CRAMP1: variants seen among roughly 807,000 people sequenced by gnomAD.
CRAMP1 encodes the protein protein cramped-like.
In CRAMP1, 50 loss-of-function variants were observed where a neutral mutation model predicts 115.4. The ratio of observed to expected loss-of-function variants is 0.43; its 90% CI spans 0.35 to 0.55. The LOEUF (loss-of-function observed/expected upper bound fraction) is 0.55. CRAMP1 is among the 20% of genes least tolerant of loss of function. The pLI is 0.01. For synonymous variants in CRAMP1, 866 were observed against 745.4 expected (o/e 1.16, Z -2.64); for missense variants, 1,679 against 1,721.7 (o/e 0.98, Z 0.44).
chr16:1,626,312 T>C, intron 3 of CRAMP1, 146 bp downstream of exon 3: 1 of 574,736 alleles, frequency 1.7e-6, no homozygotes, highest in South Asian at 2.3e-5. Flanking sequence ...TGATGTGGGC[T>C]CTAGCCTTGC....
chr16:1,632,212 C>T lies in CRAMP1; in HGVS notation c.541C>T (p.His181Tyr). The stretch of plus-strand genomic sequence containing the variant: ...ATTTATCATGGAATTTATTTTCCAG[C>T]ATGGGAAAGACTTTGAAGCGATTCA... ...KNTFFEGLYE[H>Y]GKDFEAIQNN... Residue 181 changes from histidine to tyrosine, a missense_variant and splice_region_variant, in exon 4 of 21, where the codon CAT becomes TAT. His to Tyr is a moderately conservative substitution (Grantham distance 83, BLOSUM62 2). Coordinates refer to ENST00000397412, the MANE Select transcript of CRAMP1 (RefSeq NM_020825.4). The T allele has an allele frequency of 6.4e-7, 1 of 1,554,938 alleles. No homozygotes were observed. Among genetic ancestry groups the T allele is most frequent in the South Asian group, 1.2e-5 (1 of 84,116 alleles).
chr16:1,644,935 C>T (rs953974819), intron 6 of CRAMP1, among the ~76,000 whole-genome samples: 20 of 151,956 alleles, frequency 1.3e-4, no homozygotes, highest in African/African-American at 4.6e-4. Context: ...CTCCTGGGCT[C>T]AAGTGATCCT....
At chr16:1,615,622 C>G (rs530082189) in intron 2 of CRAMP1, among the ~76,000 whole-genome samples, 25 of 152,318 alleles carry the variant, frequency 1.6e-4, no homozygotes, top group African/African-American at 3.4e-4. Context: ...CCCTTGTATT[C>G]TGAGGTGATG....
intron 8 of CRAMP1, among the ~76,000 whole-genome samples, chr16:1,654,555 G>A (rs2036753032): frequency 2.0e-5 from 3 of 152,152 alleles, no homozygotes; most frequent in Admixed American, 2.0e-4. Context: ...CATTTAACAC[G>A]ATCACATTGT....
At chr16:1,650,147 A>G (rs2036710932) in intron 6 of CRAMP1, among the ~76,000 whole-genome samples, 1 of 152,122 alleles carries the variant, frequency 6.6e-6, no homozygotes, top group African/African-American at 2.4e-5. Flanking sequence ...TGATGGTAAA[A>G]TCTTTGTGGG....
Position 1,662,698 on chromosome 16 carries a change from C to T in CRAMP1, c.2595+27C>T, listed in dbSNP as rs750196488. On this transcript the variant is annotated intron_variant, in intron 12 of 20. Transcript: ENST00000397412. ...TGAGTGTGTGGGGCCGGGCCGCCCG[C>T]GTGCGAGCGTCCCCGTGGTCTGGAG... The T allele has an allele frequency of 5.0e-6, 8 of 1,613,660 alleles. No individual in the cohort carries two copies. In the African/African-American group the frequency reaches 5.3e-5, roughly 11 times the overall value.
Position 1,656,523 on chromosome 16 carries a change from C to A in CRAMP1, c.1766C>A (p.Pro589His), listed in dbSNP as rs2036776246. 3 of 1,561,226 alleles carry A rather than the reference C, an allele frequency of 1.9e-6. No individual in the cohort carries two copies. ...GACACACGGCCTGGGAGCGAGCAGC[C>A]CCCTCTGGGCGGGGCGGCCTCCCCA... is the stretch of plus-strand genomic sequence containing the variant. ...CADTRPGSEQ[P>H]PLGGAASPEV... Residue 589 changes from proline (P) to histidine (H), a missense_variant, in exon 10 of 21, where the codon CCC becomes CAC. Pro to His is a moderately conservative substitution (Grantham distance 77). This residue lies in a region of CRAMP1 where 405 missense variants were observed against 302.6 expected (regional missense o/e 1.34). Transcript: ENST00000397412. This position sits in a 1 kb window ranked among gnomAD's most constrained non-coding sequence, Gnocchi z 5.6.
chr16:1,635,930 C>G (rs2036585172), intron 4 of CRAMP1, among the ~76,000 whole-genome samples: 1 of 152,172 alleles, frequency 6.6e-6, no homozygotes, highest in Non-Finnish European at 1.5e-5. Flanking sequence ...TTCCTTCACT[C>G]AGCGTCAGGT....
intron 6 of CRAMP1, among the ~76,000 whole-genome samples, chr16:1,642,731 GA>G: frequency 6.6e-6 from 1 of 152,360 alleles, no homozygotes. Context: ...TCCCATGAGG[GA>G]AAACACTGCC....
chr16:1,635,806 C>T lies in CRAMP1; in HGVS notation c.695-2018C>T, dbSNP rs1282846828. On this transcript the variant is annotated intron_variant, in intron 4 of 20. Coordinates refer to ENST00000397412, the MANE Select transcript of CRAMP1 (RefSeq NM_020825.4). The stretch of plus-strand genomic sequence containing the variant: ...TATGTCCATTGCCCAGGAGGAAACC[C>T]TGTGCCCCGGTGCTGGGAGCCCTCA... 2.6e-5 allele frequency among the ~76,000 whole-genome samples: 4 copies of T among 152,348 alleles called. No homozygotes were observed. The East Asian group carries it at 5.8e-4, about 22-fold the overall frequency.
At chr16:1,667,468 C>A in intron 17 of CRAMP1, 68 bp downstream of exon 17, 2 of 1,261,108 alleles carry the variant, frequency 1.6e-6, no homozygotes, top group Non-Finnish European at 2.3e-6. Flanking sequence ...CCCTGAGCTG[C>A]CACCTGCAGT....
At chr16:1,631,435 C>G (rs895782885) in intron 3 of CRAMP1, among the ~76,000 whole-genome samples, 1 of 152,242 alleles carries the variant, frequency 6.6e-6, no homozygotes, top group African/African-American at 2.4e-5. Context: ...CTGCTTGCTG[C>G]TCTGCAGTTG....
chr16:1,630,254 C>T (rs771284608), intron 3 of CRAMP1, among the ~76,000 whole-genome samples: 2 of 151,976 alleles, frequency 1.3e-5, no homozygotes, highest in African/African-American at 2.4e-5. Flanking sequence ...GCTCAAGTGA[C>T]GATCCTCCTG....
At chr16:1,660,148 A>G (rs1165514599) in intron 11 of CRAMP1, 85 bp downstream of exon 11, 2 of 1,253,300 alleles carry the variant, frequency 1.6e-6, no homozygotes, top group African/African-American at 1.5e-5. Flanking sequence ...AGCTGAGAGC[A>G]CAGGTGTGCC....
chr16:1,637,805 CT>C lies in CRAMP1; in HGVS notation c.695-17del. The stretch of plus-strand genomic sequence containing the variant: ...CTCCTGTTCCCCTCTCTAAAGCCGC[CT>C]TCTCTTCTGTTTCTCAGTGTTCTCT... On this transcript the variant is annotated intron_variant, in intron 4 of 20. Transcript: ENST00000397412. 7.0e-7 allele frequency: 1 copy of C among 1,428,528 alleles called. No individual in the cohort carries two copies. The highest frequency in any genetic ancestry group is 9.4e-7 in the Non-Finnish European group (1 of 1,065,560). The allele number at this position is 1,428,528 out of a possible 1,614,324, so 88.5% of individuals were successfully genotyped here. A position where few individuals can be genotyped will look rare whatever the true frequency, so the allele number is the denominator to read the frequency against.
At position 1,652,544 on chromosome 16, in the gene CRAMP1, C is replaced by T. The variant is rs773281620; in HGVS notation, c.876C>T (p.Pro292=). Reference sequence around the variant, plus strand: ...GGCGGAACCTGCGGATCAAAGCGCCCATGTGCCGGGCCCTGAAGAAGCTGT... The same window carrying T: ...GGCGGAACCTGCGGATCAAAGCGCCTATGTGCCGGGCCCTGAAGAAGCTGT... ...YKGRNLRIKA[P]MCRALKKLCD... The change falls in exon 7 of 21, where the codon CCC becomes CCT. Residue 292 remains proline (P), a synonymous_variant. Coordinates refer to ENST00000397412, the MANE Select transcript of CRAMP1 (RefSeq NM_020825.4). 2 of 1,552,988 alleles carry T rather than the reference C, an allele frequency of 1.3e-6. No individual in the cohort carries two copies. Among genetic ancestry groups the T allele is most frequent in the East Asian group, 4.9e-5 (2 of 41,060 alleles).
chr16:1,636,359 G>A (rs576637529), intron 4 of CRAMP1, among the ~76,000 whole-genome samples: 15 of 149,394 alleles, frequency 1.0e-4, no homozygotes, highest in African/African-American at 3.0e-4. Flanking sequence ...CAACAAGAGC[G>A]AAACTCTGTC....
intron 6 of CRAMP1, among the ~76,000 whole-genome samples, chr16:1,650,885 C>T (rs2036716897): frequency 6.6e-6 from 1 of 152,250 alleles, no homozygotes; most frequent in Non-Finnish European, 1.5e-5. Flanking sequence ...CGTTCACCAG[C>T]CAGTGGGCCG....
At position 1,656,627 on chromosome 16, in the gene CRAMP1, C is replaced by A. The variant is rs1289352640; in HGVS notation, c.1870C>A (p.Leu624Met). 6.3e-7 allele frequency: 1 copy of A among 1,577,414 alleles called. No homozygotes were observed. Among genetic ancestry groups the A allele is most frequent in the Admixed American group, 1.8e-5 (1 of 54,696 alleles). The change falls in exon 10 of 21, where the codon CTG becomes ATG. Residue 624 changes from leucine (L) to methionine (M), a missense_variant. By Grantham distance (15) the Leu-to-Met change is conservative. Around this residue, in one of 8 missense-constraint regions of CRAMP1, gnomAD observed 405 missense variants for 302.6 expected, o/e 1.34. Transcript: ENST00000397412. The surrounding 1 kb of genome is among the most constrained non-coding windows in gnomAD (Gnocchi z 5.6). ...ATCCCCGAGGCCCGGCCCCGGGCTC[C>A]TGCTGGATGTTTGCACTAAAGACTT... ...GPSPRPGPGL[L>M]LDVCTKDLAD...
Sources: allele counts gnomAD v4.1 joint callset (sites outside exome capture counted in the v4.1 genomes callset), GRCh38; gene constraint gnomAD v4.1.1; regional missense constraint gnomAD v4.1.1; non-coding constraint Gnocchi (gnomAD v3.1); transcripts MANE v1.5; gene names NCBI Gene and HGNC (gene_info 2026-07-23, HGNC 2026-07-21).